TSPAN15: variants seen among roughly 807,000 people sequenced by gnomAD.
TSPAN15 encodes the protein tetraspanin-15.
TSPAN15 carries 20 observed loss-of-function variants against 34.5 expected under a neutral mutation model. That is an observed-to-expected ratio of 0.58 (90% CI 0.41 to 0.84). TSPAN15 has a LOEUF of 0.84. Among genes scored for constraint, TSPAN15 ranks in the 40% least tolerant of loss-of-function variants. The pLI is 0.00. For synonymous variants in TSPAN15, 155 were observed against 153.9 expected (o/e 1.01, Z -0.05); for missense variants, 313 against 386.1 (o/e 0.81, Z 1.59).
intron 1 of TSPAN15, among the ~76,000 whole-genome samples, chr10:69,481,606 GT>G (rs1317341584): frequency 6.6e-6 from 1 of 152,248 alleles, no homozygotes; most frequent in African/African-American, 2.4e-5. Flanking sequence ...CATGAAGTCA[GT>G]TTAAGGCTCA....
the TSPAN15 span, among the ~76,000 whole-genome samples, chr10:69,536,914 G>T: frequency 5.2e-3 from 785 of 151,536 alleles, 11 homozygotes; most frequent in African/African-American, 0.018. Context: ...AATTCAGGAG[G>T]CAGAAGTTGC....
intron 5 of TSPAN15, among the ~76,000 whole-genome samples, chr10:69,499,670 A>C (rs763508715): frequency 8.5e-5 from 13 of 152,238 alleles, no homozygotes; most frequent in Non-Finnish European, 1.8e-4. Flanking sequence ...GAAAACTGAC[A>C]AACAAAATAA....
chr10:69,518,135 C>G, the TSPAN15 span, among the ~76,000 whole-genome samples: 1 of 152,190 alleles, frequency 6.6e-6, no homozygotes, highest in African/African-American at 2.4e-5. Flanking sequence ...TGGTAGGAGA[C>G]AGTGATAAAC....
At chr10:69,542,268 C>G in the TSPAN15 span, among the ~76,000 whole-genome samples, 1 of 152,208 alleles carries the variant, frequency 6.6e-6, no homozygotes, top group Non-Finnish European at 1.5e-5. Flanking sequence ...TCAGCCTGGA[C>G]TTCATTGTCC....
rs532642436 is a variant in TSPAN15, at chr10:69,486,674, C to T, written c.357+1459C>T. 8.5e-5 allele frequency among the ~76,000 whole-genome samples: 13 copies of T among 152,310 alleles called. No homozygotes were observed. In the South Asian group the frequency reaches 2.7e-3, roughly 32 times the overall value. On this transcript the variant is annotated intron_variant, in intron 3 of 7. Transcript: ENST00000373290. ...GTCCCACACCCTGGGTTGTGCAGAC[C>T]TCTCAGATGGCCCAGGATCTGGCCC...
the TSPAN15 span, among the ~76,000 whole-genome samples, chr10:69,528,798 T>G: frequency 6.8e-6 from 1 of 148,100 alleles, no homozygotes; most frequent in African/African-American, 2.5e-5. Context: ...AGATTGCCCC[T>G]CTTTGCAGCT....
chr10:69,467,637 AACACACACACACACACACACAC>A (rs36028041), intron 1 of TSPAN15, among the ~76,000 whole-genome samples: 2 of 78,106 alleles, frequency 2.6e-5, no homozygotes, highest in Non-Finnish European at 3.6e-5. Flanking sequence ...AAAACAAAAC[AACACACACACACACACACACAC>A]ACACACACAC....
chr10:69,493,859 C>T (rs1439858910), intron 3 of TSPAN15, among the ~76,000 whole-genome samples: 1 of 152,162 alleles, frequency 6.6e-6, no homozygotes, highest in African/African-American at 2.4e-5. Flanking sequence ...AGGTGATCTG[C>T]CCACCTCGGC....
chr10:69,519,495 A>G, the TSPAN15 span, among the ~76,000 whole-genome samples: 16 of 152,348 alleles, frequency 1.1e-4, no homozygotes, highest in African/African-American at 3.8e-4. Flanking sequence ...GAGATATATC[A>G]AATTCATGAG....
At chr10:69,475,264 C>T (rs116244284) in intron 1 of TSPAN15, among the ~76,000 whole-genome samples, 17 of 152,262 alleles carry the variant, frequency 1.1e-4, no homozygotes, top group African/African-American at 4.1e-4. Flanking sequence ...CTGGGATCAT[C>T]GCAGAGTTCC....
the TSPAN15 span, among the ~76,000 whole-genome samples, chr10:69,520,735 G>A: frequency 7.7e-4 from 117 of 152,332 alleles, no homozygotes; most frequent in Non-Finnish European, 1.5e-3. Flanking sequence ...GGACATTTGG[G>A]TTATTTCTAC....
At position 69,478,034 on chromosome 10, in the gene TSPAN15, G is replaced by A. The variant is rs77807008; in HGVS notation, c.97-5657G>A. ...CAAGCGGGAAGTGACATGGCCAAGG[G>A]TACTGAGCTCACCCATGGAGGCCCA... is the stretch of plus-strand genomic sequence containing the variant. On this transcript the variant is annotated intron_variant, in intron 1 of 7. Coordinates refer to ENST00000373290, the MANE Select transcript of TSPAN15 (RefSeq NM_012339.5). 4.7e-3 allele frequency among the ~76,000 whole-genome samples: 717 copies of A among 152,314 alleles called. 3 individuals are homozygous for A. Among genetic ancestry groups the A allele is most frequent in the Non-Finnish European group, 8.6e-3 (584 of 68,026 alleles).
intron 3 of TSPAN15, among the ~76,000 whole-genome samples, chr10:69,493,771 C>T (rs528907519): frequency 2.0e-5 from 3 of 152,304 alleles, no homozygotes; most frequent in East Asian, 1.9e-4. Flanking sequence ...TGCGCCAGGC[C>T]GCCCTGCTAA....
chr10:69,504,954 A>ACCTGACATGCAG (rs1319088539), intron 6 of TSPAN15, among the ~76,000 whole-genome samples: 2 of 152,104 alleles, frequency 1.3e-5, no homozygotes, highest in Non-Finnish European at 2.9e-5. Flanking sequence ...AGGAATAGTG[A>ACCTGACATGCAG]CCTGACATGC....
At chr10:69,485,095 C>T (rs547618898) in intron 2 of TSPAN15, 46 bp from the exon 3 acceptor site, 79 of 1,573,424 alleles carry the variant, frequency 5.0e-5, no homozygotes, top group East Asian at 2.5e-4. Context: ...ACCCCACACA[C>T]GCCCACTGCT....
Position 69,461,932 on chromosome 10 carries a change from C to T in TSPAN15, c.96+10242C>T, listed in dbSNP as rs183384071. The stretch of plus-strand genomic sequence containing the variant: ...CACCACCCCCCCGCCACCACCCCCC[C>T]CATCACCAGAGCTTCTGATTCAGTG... On this transcript the variant is annotated intron_variant, in intron 1 of 7. Transcript: ENST00000373290. Among the ~76,000 whole-genome samples, 5 of 150,852 alleles carry T rather than the reference C, an allele frequency of 3.3e-5. No homozygotes were observed. In the East Asian group the frequency reaches 9.8e-4, roughly 30 times the overall value.
the TSPAN15 span, among the ~76,000 whole-genome samples, chr10:69,539,529 GAA>G: frequency 5.6e-4 from 60 of 106,674 alleles, no homozygotes; most frequent in Middle Eastern, 5.0e-3. Flanking sequence ...AGAAGAAGAA[GAA>G]GAAGAAGGAG....
At chr10:69,475,579 G>C (rs1435876119) in intron 1 of TSPAN15, among the ~76,000 whole-genome samples, 1 of 152,140 alleles carries the variant, frequency 6.6e-6, no homozygotes, top group African/African-American at 2.4e-5. Context: ...GGTTGTTCTG[G>C]ATTAGAAATT....
intron 3 of TSPAN15, 103 bp downstream of exon 3, chr10:69,485,318 C>T: frequency 1.1e-6 from 1 of 947,866 alleles, no homozygotes; most frequent in Non-Finnish European, 1.7e-6. Flanking sequence ...AGATAACCCC[C>T]ATGGAGCTTT....
Sources: allele counts gnomAD v4.1 joint callset (sites outside exome capture counted in the v4.1 genomes callset), GRCh38; gene constraint gnomAD v4.1.1; transcripts MANE v1.5; gene names NCBI Gene and HGNC (gene_info 2026-07-23, HGNC 2026-07-21).